The following IGF1R variants were observed in gnomAD, a reference collection of about 807,000 sequenced individuals.
IGF1R encodes insulin like growth factor 1 receptor, also known as insulin-like growth factor 1 receptor.
A neutral mutation model predicts 144.6 loss-of-function variants in IGF1R; 44 were observed. The observed-to-expected ratio is 0.30, with a 90% CI of 0.24 to 0.39. IGF1R has a LOEUF of 0.39. Among genes scored for constraint, IGF1R ranks in the 10% least tolerant of loss-of-function variants. IGF1R has a pLI of 1.00. For missense variants in IGF1R, 1,355 were observed against 1,833.7 expected (o/e 0.74, Z 4.77); for synonymous variants, 795 against 722.8 (o/e 1.10, Z -1.60).
chr15:98,929,115 G>A (rs150250596), intron 13 of IGF1R, among the ~76,000 whole-genome samples: 1,599 of 152,142 alleles, frequency 0.011, 9 homozygotes, highest in Non-Finnish European at 0.017. Context: ...ACAGGTGTGA[G>A]ATCACAAAGA....
At chr15:98,657,945 C>T (rs2052522745) in intron 1 of IGF1R, among the ~76,000 whole-genome samples, 1 of 152,232 alleles carries the variant, frequency 6.6e-6, no homozygotes, top group South Asian at 2.1e-4. Context: ...TGCATTGACT[C>T]TGACTACATG....
intron 2 of IGF1R, among the ~76,000 whole-genome samples, chr15:98,804,008 G>A (rs759652571): frequency 1.8e-4 from 27 of 152,192 alleles, no homozygotes; most frequent in Non-Finnish European, 2.5e-4. Context: ...TGAGGAACAT[G>A]TACATCTTAC....
At chr15:98,933,881 C>T (rs2016038859) in intron 15 of IGF1R, among the ~76,000 whole-genome samples, 1 of 152,200 alleles carries the variant, frequency 6.6e-6, no homozygotes, top group Non-Finnish European at 1.5e-5. Flanking sequence ...CATCAGGGAT[C>T]CAGCCATCAA....
chr15:98,922,784 A>G (rs565404561), intron 11 of IGF1R, among the ~76,000 whole-genome samples: 6 of 152,320 alleles, frequency 3.9e-5, no homozygotes, highest in African/African-American at 1.2e-4. Flanking sequence ...GAGCTCTCAC[A>G]TGTCCAGAGA....
chr15:98,745,889 T>G (rs190546202), intron 2 of IGF1R, among the ~76,000 whole-genome samples: 1 of 152,344 alleles, frequency 6.6e-6, no homozygotes, highest in African/African-American at 2.4e-5. Context: ...GAAATTCTAC[T>G]TCTAGGAATT....
In IGF1R at chr15:98,957,484, C is replaced by A. The variant is rs375178223; in HGVS notation, c.*42C>A. 2.9e-5 allele frequency: 47 copies of A among 1,610,766 alleles called. No individual in the cohort carries two copies. The highest frequency in any genetic ancestry group is 2.0e-4 in the African/African-American group (15 of 74,870). ...CTGTGCAAACAGTAACGTGTGCGCA[C>A]GCGCAGCGGGGTGGGGGGGGAGAGA... On this transcript the variant is annotated 3_prime_UTR_variant, in exon 21 of 21. Coordinates refer to ENST00000650285, the MANE Select transcript of IGF1R (RefSeq NM_000875.5).
At chr15:98,748,382 C>T (rs1424966519) in intron 2 of IGF1R, among the ~76,000 whole-genome samples, 1 of 151,984 alleles carries the variant, frequency 6.6e-6, no homozygotes, top group Non-Finnish European at 1.5e-5. Flanking sequence ...GCTGTGTTGC[C>T]CAGGCTGGTC....
intron 2 of IGF1R, among the ~76,000 whole-genome samples, chr15:98,797,842 A>T (rs1019022579): frequency 6.6e-6 from 1 of 152,336 alleles, no homozygotes; most frequent in Middle Eastern, 3.4e-3. Flanking sequence ...TAGACAGAAA[A>T]TAATGTCAGA....
intron 2 of IGF1R, among the ~76,000 whole-genome samples, chr15:98,715,602 C>T (rs929660469): frequency 6.6e-6 from 1 of 152,136 alleles, no homozygotes; most frequent in Non-Finnish European, 1.5e-5. Flanking sequence ...TGACGTGGAG[C>T]GTGTGGGCCC....
intron 1 of IGF1R, among the ~76,000 whole-genome samples, chr15:98,665,377 T>A (rs1176730031): frequency 6.6e-6 from 1 of 152,198 alleles, no homozygotes; most frequent in Admixed American, 6.5e-5. Context: ...TGAAGCATCC[T>A]CCTCCAGTAA....
At chr15:98,868,370 T>TTTTG (rs71149424) in intron 2 of IGF1R, among the ~76,000 whole-genome samples, 2 of 122,778 alleles carry the variant, frequency 1.6e-5, no homozygotes, top group Admixed American at 9.4e-5. Flanking sequence ...TTTTTTTTTT[T>TTTTG]GGGGGGGGGG....
chr15:98,780,400 A>G (rs1345145712), intron 2 of IGF1R, among the ~76,000 whole-genome samples: 1 of 151,778 alleles, frequency 6.6e-6, no homozygotes, highest in Non-Finnish European at 1.5e-5. Flanking sequence ...AAAATACAAA[A>G]TTAGCCACAG....
chr15:98,723,344 A>C (rs770954949), intron 2 of IGF1R, among the ~76,000 whole-genome samples: 3 of 152,242 alleles, frequency 2.0e-5, no homozygotes, highest in African/African-American at 7.2e-5. Flanking sequence ...AAAACTCTGC[A>C]TATGATCTTT....
intron 2 of IGF1R, among the ~76,000 whole-genome samples, chr15:98,756,983 A>G (rs12442746): frequency 1 from 151,862 of 152,364 alleles, 75,683 homozygotes; most frequent in Middle Eastern, 1. Flanking sequence ...GTTTACTTGC[A>G]TCCAAGTACA....
At chr15:98,890,956 G>A (rs1263915170) in intron 2 of IGF1R, among the ~76,000 whole-genome samples, 1 of 152,204 alleles carries the variant, frequency 6.6e-6, no homozygotes, top group African/African-American at 2.4e-5. Context: ...ATAAACCATA[G>A]AGTTCCTGTA....
chr15:98,855,234 G>A (rs557985367), intron 2 of IGF1R, among the ~76,000 whole-genome samples: 30 of 152,302 alleles, frequency 2.0e-4, no homozygotes, highest in African/African-American at 7.0e-4. Flanking sequence ...TGGCACCATG[G>A]TCTGTGGAGC....
chr15:98,788,118 A>G (rs7166947), intron 2 of IGF1R, among the ~76,000 whole-genome samples: 3,196 of 151,258 alleles, frequency 0.021, 117 homozygotes, highest in African/African-American at 0.073. Flanking sequence ...CTAAGTTAAT[A>G]AAGAATGTGG....
In IGF1R at chr15:98,802,152, A is replaced by G. The variant is rs550748487; in HGVS notation, c.641-89173A>G. On this transcript the variant is annotated intron_variant, in intron 2 of 20. Transcript: ENST00000650285. ...TGTTACTCTAAAAATGAAAGGGAGG[A>G]TCAGTTGTTAATACCTTCCTGTAGG... Among the ~76,000 whole-genome samples the G allele has an allele frequency of 3.3e-5, 5 of 152,264 alleles. No individual in the cohort carries two copies. In the South Asian group the frequency reaches 1.0e-3, roughly 32 times the overall value.
At chr15:98,725,762 A>G (rs1330892167) in intron 2 of IGF1R, among the ~76,000 whole-genome samples, 3 of 152,348 alleles carry the variant, frequency 2.0e-5, no homozygotes, top group East Asian at 1.9e-4. Context: ...TGGACTTACA[A>G]TTCCACATGG....
Sources: allele counts gnomAD v4.1 joint callset (sites outside exome capture counted in the v4.1 genomes callset), GRCh38; gene constraint gnomAD v4.1.1; transcripts MANE v1.5; gene names NCBI Gene and HGNC (gene_info 2026-07-23, HGNC 2026-07-21).